Variants in LOXHD1 observed in about 807,000 individuals in gnomAD.
LOXHD1 encodes lipoxygenase homology PLAT domains 1, also known as lipoxygenase homology domain-containing protein 1.
Under a neutral mutation model 248.2 loss-of-function variants are expected in LOXHD1, and 205 were observed. That is an observed-to-expected ratio of 0.83 (90% CI 0.74 to 0.93). The LOEUF (loss-of-function observed/expected upper bound fraction) is 0.93. Among genes scored for constraint, LOXHD1 ranks in the 40% least tolerant of loss-of-function variants. The probability of loss-of-function intolerance (pLI) is 0.00; values close to 1 mark genes in which losing one functional copy is unlikely to be tolerated. For synonymous variants in LOXHD1, 1,113 were observed against 1,162.8 expected (o/e 0.96, Z 0.87); for missense variants, 2,930 against 2,971.6 (o/e 0.99, Z 0.33).
At chr18:46,621,996 C>T (rs1318404148) in intron 4 of LOXHD1, among the ~76,000 whole-genome samples, 2 of 152,348 alleles carry the variant, frequency 1.3e-5, no homozygotes, top group Non-Finnish European at 2.9e-5. Context: ...TGTTGACGTT[C>T]TCATTTACAG....
At chr18:46,590,017 A>G (rs1372029917) in intron 12 of LOXHD1, among the ~76,000 whole-genome samples, 2 of 152,222 alleles carry the variant, frequency 1.3e-5, no homozygotes, top group African/African-American at 2.4e-5. Context: ...TAAACAAAAA[A>G]GTTTTCACCA....
Position 46,622,562 on chromosome 18 carries a change from T to A in LOXHD1, c.512-4272A>T, listed in dbSNP as rs145033510. 1.7e-3 allele frequency among the ~76,000 whole-genome samples: 256 copies of A among 152,070 alleles called. 2 individuals carry two copies. The highest frequency in any genetic ancestry group is 5.8e-3 in the African/African-American group (240 of 41,458). ...GGGTGGTGGGTAGATCTGCTCTCTG[T>A]GGCCTGGAATGGGAGCAAAGCTGCC... On this transcript the variant is annotated intron_variant, in intron 4 of 40. Coordinates refer to ENST00000642948, the MANE Select transcript of LOXHD1 (RefSeq NM_001384474.1).
chr18:46,654,656 A>G (rs1285824085), intron 1 of LOXHD1, among the ~76,000 whole-genome samples: 1 of 152,182 alleles, frequency 6.6e-6, no homozygotes, highest in African/African-American at 2.4e-5. Context: ...CCTCCCCATC[A>G]CACTCATCAA....
chr18:46,557,973 G>T, intron 20 of LOXHD1: 1 of 1,030,124 alleles, frequency 9.7e-7, no homozygotes, highest in Non-Finnish European at 1.2e-6. Context: ...CCACCATTTA[G>T]GTGTGAAGAG....
At chr18:46,598,509 T>A (rs199638400) in intron 8 of LOXHD1, among the ~76,000 whole-genome samples, 8,665 of 147,966 alleles carry the variant, frequency 0.059, 311 homozygotes, top group Non-Finnish European at 0.086. Flanking sequence ...CTTTGAAAAT[T>A]AAAAAAAAAA....
At chr18:46,620,485 C>T (rs1328328086) in intron 4 of LOXHD1, among the ~76,000 whole-genome samples, 3 of 152,138 alleles carry the variant, frequency 2.0e-5, no homozygotes, top group Non-Finnish European at 2.9e-5. Context: ...GAAGGAGTCG[C>T]CAATATTCTG....
At chr18:46,591,156 A>T (rs1358916944) in intron 12 of LOXHD1, among the ~76,000 whole-genome samples, 1 of 152,192 alleles carries the variant, frequency 6.6e-6, no homozygotes, top group Non-Finnish European at 1.5e-5. Context: ...TATGGGTGAC[A>T]TTGTTTTTAT....
In LOXHD1 at chr18:46,524,770, A is replaced by G. The variant is rs1438499418; in HGVS notation, c.4678T>C (p.Cys1560Arg). 1.9e-6 allele frequency: 3 copies of G among 1,551,736 alleles called. No homozygotes were observed. Among genetic ancestry groups the G allele is most frequent in the Non-Finnish European group, 2.6e-6 (3 of 1,146,994 alleles). The change falls in exon 30 of 41, where the codon TGC (cysteine) becomes CGC (arginine). Residue 1560 changes from cysteine (C) to arginine (R), a missense_variant. Physicochemically the swap from Cys to Arg is radical, Grantham distance 180 (BLOSUM62 -3). Coordinates refer to ENST00000642948, the MANE Select transcript of LOXHD1 (RefSeq NM_001384474.1). The part of the protein sequence containing the change: ...DTNEDEFLFL[C>R]GRWLSLKKED... ...TTCTTCAGGGAGAGCCAGCGCCCGC[A>G]TAGGAACAGGAACTCGTCCTCGTTG... is the stretch of plus-strand genomic sequence containing the variant.
At chr18:46,520,969 G>T in intron 33 of LOXHD1, 128 bp downstream of exon 33, 1 of 1,125,172 alleles carries the variant, frequency 8.9e-7, no homozygotes, top group Non-Finnish European at 1.3e-6. Context: ...TAGCACACCA[G>T]GCTGCAGCGC....
chr18:46,569,364 A>G (rs1263254449), intron 16 of LOXHD1, 78 bp downstream of exon 16: 10 of 1,211,454 alleles, frequency 8.3e-6, no homozygotes, highest in Non-Finnish European at 1.2e-5. Context: ...GTGTGGACAT[A>G]TGTGTGTGTG....
At position 46,594,481 on chromosome 18, in the gene LOXHD1, GCA is replaced by G. The variant is rs1454273769; in HGVS notation, c.1135-17_1135-16del. ...AGAATCACCACCTGGGGAGAGTGGA[GCA>G]CAGTGTCTCCGGCATTGAGTCTCCA... On this transcript the variant is annotated splice_polypyrimidine_tract_variant and intron_variant, in intron 8 of 40. Coordinates refer to ENST00000642948, the MANE Select transcript of LOXHD1 (RefSeq NM_001384474.1). 6.4e-7 allele frequency: 1 copy of G among 1,550,936 alleles called. No individual in the cohort carries two copies. Among genetic ancestry groups the G allele is most frequent in the Non-Finnish European group, 8.7e-7 (1 of 1,146,978 alleles).
intron 12 of LOXHD1, among the ~76,000 whole-genome samples, chr18:46,582,176 C>T (rs892280895): frequency 6.6e-6 from 1 of 152,210 alleles, no homozygotes; most frequent in Admixed American, 6.5e-5. Context: ...CTTTTCTTCT[C>T]ATATCTCATA....
intron 32 of LOXHD1, among the ~76,000 whole-genome samples, chr18:46,521,638 C>T (rs1169761815): frequency 6.6e-6 from 1 of 152,122 alleles, no homozygotes; most frequent in Non-Finnish European, 1.5e-5. Context: ...ATGAAGTCCT[C>T]AGTCCTACAC....
chr18:46,573,022 C>CAAAA (rs71162809), intron 14 of LOXHD1, among the ~76,000 whole-genome samples: 688 of 57,212 alleles, frequency 0.012, 86 homozygotes, highest in East Asian at 0.043. Flanking sequence ...GACTCCGTCT[C>CAAAA]AAAAAAAAAA....
intron 34 of LOXHD1, among the ~76,000 whole-genome samples, chr18:46,513,043 A>G (rs1382126969): frequency 2.0e-5 from 3 of 152,212 alleles, no homozygotes; most frequent in Non-Finnish European, 4.4e-5. Flanking sequence ...GCATAGCCCC[A>G]TGAGATGGAG....
intron 14 of LOXHD1, among the ~76,000 whole-genome samples, chr18:46,577,145 G>T (rs1187240862): frequency 6.6e-6 from 1 of 152,166 alleles, no homozygotes; most frequent in Non-Finnish European, 1.5e-5. Context: ...CCACCATGAT[G>T]ACATGAAAAA....
rs1598879565 is a variant in LOXHD1, at chr18:46,509,684, T to G, written c.5517+14A>C. 1 of 1,535,736 alleles carries G rather than the reference T, an allele frequency of 6.5e-7. No individual in the cohort carries two copies. Among genetic ancestry groups the G allele is most frequent in the Admixed American group, 2.0e-5 (1 of 50,946 alleles). Reference sequence around the variant, plus strand: ...TGGTGGCTGGAAGGAAGAGTGAGGGTCTAGACATTTTACCCTCTCCAGGAA... The same window carrying G: ...TGGTGGCTGGAAGGAAGAGTGAGGGGCTAGACATTTTACCCTCTCCAGGAA... On this transcript the variant is annotated intron_variant, in intron 35 of 40. Transcript: ENST00000642948.
intron 14 of LOXHD1, among the ~76,000 whole-genome samples, chr18:46,572,540 G>A (rs554898069): frequency 6.6e-6 from 1 of 152,208 alleles, no homozygotes; most frequent in Non-Finnish European, 1.5e-5. Flanking sequence ...TGAACAACAG[G>A]TAGAGAGCTG....
Position 46,593,763 on chromosome 18 carries a change from G to C in LOXHD1, c.1271-3C>G. On this transcript the variant is annotated splice_polypyrimidine_tract_variant and splice_region_variant and intron_variant, in intron 9 of 40. Transcript: ENST00000642948. ...GACCCACAGGGACCAAGGGAATTCT[G>C]TAAGACAGATCAAGTTGCACCATAA... The C allele has an allele frequency of 6.4e-7, 1 of 1,551,652 alleles. No individual in the cohort carries two copies. Among genetic ancestry groups the C allele is most frequent in the Non-Finnish European group, 8.7e-7 (1 of 1,146,944 alleles).
Sources: gnomAD v4.1 joint callset for allele counts (sites outside exome capture counted in the v4.1 genomes callset) on GRCh38, gnomAD v4.1.1 for gene constraint, MANE v1.5 for transcripts, NCBI Gene and HGNC (gene_info 2026-07-23, HGNC 2026-07-21) for gene names.